Variants in CTNNA2 observed in about 807,000 individuals in gnomAD.
CTNNA2 encodes the protein catenin alpha-2.
Under a neutral mutation model 101.0 loss-of-function variants are expected in CTNNA2, and 42 were observed. That is an observed-to-expected ratio of 0.42 (90% confidence interval 0.32 to 0.54). The LOEUF is 0.54. Among genes scored for constraint, CTNNA2 ranks in the 20% least tolerant of loss-of-function variants. CTNNA2 has a pLI of 0.14. For missense variants in CTNNA2, 871 were observed against 1,223.1 expected, an observed-to-expected ratio of 0.71 and a Z score of 4.29; for synonymous variants, 450 against 456.4, an observed-to-expected ratio of 0.99 and a Z score of 0.18.
At chr2:79,965,405 T>G (rs547216556) in intron 7 of CTNNA2, among the ~76,000 whole-genome samples, 8 of 152,318 alleles carry the variant, frequency 5.3e-5, no homozygotes, top group African/African-American at 1.9e-4. Flanking sequence ...TCAAATGAAT[T>G]TTTTCTTGAG....
At chr2:79,486,343 T>C (rs4571073) in intron 4 of CTNNA2, among the ~76,000 whole-genome samples, 104,970 of 151,232 alleles carry the variant, frequency 0.69, 36,662 homozygotes, top group African/African-American at 0.75. Flanking sequence ...TTTGTCCTTG[T>C]GATAGTTTGC....
chr2:80,630,823 T>G (rs1018283601), intron 18 of CTNNA2, among the ~76,000 whole-genome samples: 1 of 152,108 alleles, frequency 6.6e-6, no homozygotes, highest in South Asian at 2.1e-4. Context: ...TAATATATAT[T>G]ATGATGATGA....
At chr2:80,457,967 A>G (rs551164187) in intron 9 of CTNNA2, among the ~76,000 whole-genome samples, 79 of 152,324 alleles carry the variant, frequency 5.2e-4, no homozygotes, top group Middle Eastern at 3.4e-3. Flanking sequence ...CATCGAACAG[A>G]CTATCCTCTA....
chr2:79,742,267 A>G (rs1007976255), intron 2 of CTNNA2, among the ~76,000 whole-genome samples: 1 of 152,124 alleles, frequency 6.6e-6, no homozygotes, highest in Non-Finnish European at 1.5e-5. Context: ...GGTAGTCACT[A>G]CCAGCTTCTA....
chr2:80,043,018 C>CCTTT (rs1325672620), intron 7 of CTNNA2, among the ~76,000 whole-genome samples: 2 of 135,500 alleles, frequency 1.5e-5, no homozygotes, highest in Non-Finnish European at 1.6e-5. Flanking sequence ...CCTTTCTTTC[C>CCTTT]CTTTCTTTCT....
At chr2:80,400,783 C>T (rs1254186178) in intron 8 of CTNNA2, among the ~76,000 whole-genome samples, 1 of 152,196 alleles carries the variant, frequency 6.6e-6, no homozygotes, top group Non-Finnish European at 1.5e-5. Context: ...CTCTCCACTG[C>T]CATTGGCCCT....
chr2:80,380,390 G>A (rs1189755842), intron 7 of CTNNA2, among the ~76,000 whole-genome samples: 1 of 152,116 alleles, frequency 6.6e-6, no homozygotes, highest in Non-Finnish European at 1.5e-5. Context: ...AGCAGACAGG[G>A]AGGAACAACT....
At chr2:80,232,610 G>T (rs1446193643) in intron 7 of CTNNA2, among the ~76,000 whole-genome samples, 2 of 151,952 alleles carry the variant, frequency 1.3e-5, no homozygotes, top group African/African-American at 4.8e-5. Flanking sequence ...GCTTGGAGTG[G>T]CCATTTTTGT....
chr2:79,226,713 C>T (rs1016336321), intron 2 of CTNNA2, among the ~76,000 whole-genome samples: 1 of 151,856 alleles, frequency 6.6e-6, no homozygotes, highest in Non-Finnish European at 1.5e-5. Flanking sequence ...TCCAAATTGC[C>T]CTATTACCAG....
intron 9 of CTNNA2, among the ~76,000 whole-genome samples, chr2:80,519,655 G>A (rs536396242): frequency 2.0e-5 from 3 of 152,276 alleles, no homozygotes; most frequent in South Asian, 4.1e-4. Context: ...CCACGTCCTA[G>A]AAATTTTTAT....
At chr2:79,754,946 G>A (rs1184254969) in intron 3 of CTNNA2, among the ~76,000 whole-genome samples, 2 of 152,106 alleles carry the variant, frequency 1.3e-5, no homozygotes, top group Middle Eastern at 3.2e-3. Flanking sequence ...TAAGAGAAGG[G>A]AAGATAACTC....
At chr2:80,407,319 G>C (rs1054536220) in intron 8 of CTNNA2, among the ~76,000 whole-genome samples, 1 of 152,182 alleles carries the variant, frequency 6.6e-6, no homozygotes, top group Non-Finnish European at 1.5e-5. Context: ...TTATAAGTAA[G>C]CAGTGGGTAA....
chr2:79,987,457 T>C, intron 7 of CTNNA2, among the ~76,000 whole-genome samples: 1 of 152,192 alleles, frequency 6.6e-6, no homozygotes, highest in East Asian at 1.9e-4. Context: ...CAAGTTAATC[T>C]TCGAGAGTCT....
At chr2:80,125,362 G>A (rs1702054923) in intron 7 of CTNNA2, among the ~76,000 whole-genome samples, 1 of 152,096 alleles carries the variant, frequency 6.6e-6, no homozygotes, top group African/African-American at 2.4e-5. Flanking sequence ...TCCTCAGTCT[G>A]GGGACCTACG....
intron 1 of CTNNA2, among the ~76,000 whole-genome samples, chr2:79,520,775 G>A (rs1310645602): frequency 6.6e-6 from 1 of 152,074 alleles, no homozygotes; most frequent in Non-Finnish European, 1.5e-5. Flanking sequence ...ACCACAGTGT[G>A]ATACCACTAT....
chr2:80,358,200 T>C (rs1674027902), intron 7 of CTNNA2, among the ~76,000 whole-genome samples: 1 of 152,180 alleles, frequency 6.6e-6, no homozygotes, highest in Admixed American at 6.5e-5. Flanking sequence ...CTTAGGACAG[T>C]GCGTGGCAAG....
chr2:80,095,964 A>T (rs959038035), intron 7 of CTNNA2, among the ~76,000 whole-genome samples: 44 of 151,764 alleles, frequency 2.9e-4, no homozygotes, highest in Non-Finnish European at 5.0e-4. Context: ...GCTCCTGGAT[A>T]CATTGATTTT....
chr2:79,441,132 G>A (rs1678773674), intron 4 of CTNNA2, among the ~76,000 whole-genome samples: 1 of 152,122 alleles, frequency 6.6e-6, no homozygotes, highest in African/African-American at 2.4e-5. Context: ...CTTAGCAACT[G>A]CTTTCTTGTC....
At chr2:80,383,862 G>A (rs893489770) in intron 7 of CTNNA2, among the ~76,000 whole-genome samples, 13 of 151,892 alleles carry the variant, frequency 8.6e-5, no homozygotes, top group African/African-American at 1.7e-4. Flanking sequence ...AAAGACACAC[G>A]TACTAATTTG....
Sources: gnomAD v4.1 joint callset for allele counts (sites outside exome capture counted in the v4.1 genomes callset) on GRCh38, gnomAD v4.1.1 for gene constraint, MANE v1.5 for transcripts, NCBI Gene and HGNC (gene_info 2026-07-23, HGNC 2026-07-21) for gene names.